CDKAL1: variants seen among roughly 807,000 people sequenced by gnomAD.
The protein encoded by CDKAL1 is threonylcarbamoyladenosine tRNA methylthiotransferase.
In CDKAL1, 32 loss-of-function variants were observed where a neutral mutation model predicts 68.2. The observed-to-expected ratio is 0.47, with a 90% confidence interval of 0.35 to 0.63. The LOEUF (loss-of-function observed/expected upper bound fraction) is 0.63. CDKAL1 is among the 30% of genes least tolerant of loss of function. The probability of loss-of-function intolerance (pLI) is 0.00; values close to 1 mark genes in which losing one functional copy is unlikely to be tolerated. For missense variants in CDKAL1, 606 were observed against 696.7 expected, an observed-to-expected ratio of 0.87 and a Z score of 1.47; for synonymous variants, 234 against 244.3, an observed-to-expected ratio of 0.96 and a Z score of 0.39.
At chr6:20,745,714 T>G (rs1773637935) in intron 6 of CDKAL1, among the ~76,000 whole-genome samples, 1 of 151,956 alleles carries the variant, frequency 6.6e-6, no homozygotes, top group Non-Finnish European at 1.5e-5. Context: ...TAACAATAGC[T>G]GATGAGCTAA....
At chr6:20,599,606 G>T (rs572417809) in intron 4 of CDKAL1, among the ~76,000 whole-genome samples, 17 of 152,190 alleles carry the variant, frequency 1.1e-4, no homozygotes, top group Non-Finnish European at 1.9e-4. Flanking sequence ...ATTGTTAAGA[G>T]TTCAAATTCT....
Position 20,621,497 on chromosome 6 carries a change from C to T in CDKAL1, c.287-27796C>T, listed in dbSNP as rs182760889. Reference sequence around the variant, plus strand: ...TTACATGAGCTTGCACTGAAGGAGTCGGGGGGTTGTGCTCCCCCTTTTTTA... The same window carrying T: ...TTACATGAGCTTGCACTGAAGGAGTTGGGGGGTTGTGCTCCCCCTTTTTTA... On this transcript the variant is annotated intron_variant, in intron 4 of 15. Transcript: ENST00000274695. Among the ~76,000 whole-genome samples the T allele has an allele frequency of 2.8e-4, 42 of 152,192 alleles. No homozygotes were observed. The East Asian group carries it at 4.8e-3, about 17-fold the overall frequency.
chr6:20,796,041 G>A (rs968885382), intron 8 of CDKAL1, among the ~76,000 whole-genome samples: 1 of 152,098 alleles, frequency 6.6e-6, no homozygotes, highest in Non-Finnish European at 1.5e-5. Flanking sequence ...ATATACCAGG[G>A]CCCAGATTTA....
intron 12 of CDKAL1, among the ~76,000 whole-genome samples, chr6:21,081,262 T>C (rs1772384624): frequency 6.6e-6 from 1 of 152,166 alleles, no homozygotes; most frequent in South Asian, 2.1e-4. Context: ...GTGGCAGGTA[T>C]TAGAGTTGAG....
At chr6:20,975,570 G>A (rs1157330344) in intron 10 of CDKAL1, among the ~76,000 whole-genome samples, 4 of 152,040 alleles carry the variant, frequency 2.6e-5, no homozygotes, top group Admixed American at 6.6e-5. Flanking sequence ...TCTCTAAGGT[G>A]TGTGAATATA....
intron 13 of CDKAL1, among the ~76,000 whole-genome samples, chr6:21,144,640 A>AG (rs1164619034): frequency 6.6e-6 from 1 of 151,470 alleles, no homozygotes; most frequent in African/African-American, 2.4e-5. Context: ...CCAAAAAAAA[A>AG]AAAAAAAGAA....
intron 12 of CDKAL1, among the ~76,000 whole-genome samples, chr6:21,097,238 G>A (rs576230900): frequency 1.3e-5 from 2 of 152,306 alleles, no homozygotes; most frequent in South Asian, 4.1e-4. Context: ...GGGAGGCTGA[G>A]GCTGTTGGAT....
chr6:21,222,808 T>C (rs59113724), intron 15 of CDKAL1, among the ~76,000 whole-genome samples: 23,972 of 152,094 alleles, frequency 0.16, 2,202 homozygotes, highest in Non-Finnish European at 0.2. Flanking sequence ...ATTTGGAAGC[T>C]GCACCGCAAG....
chr6:20,946,866 G>A (rs780401738), intron 9 of CDKAL1, among the ~76,000 whole-genome samples: 16 of 151,972 alleles, frequency 1.1e-4, no homozygotes, highest in Non-Finnish European at 1.2e-4. Context: ...CAGAGTGCTG[G>A]GGTTACAGGC....
At chr6:21,091,821 C>T (rs1317734892) in intron 12 of CDKAL1, among the ~76,000 whole-genome samples, 1 of 147,520 alleles carries the variant, frequency 6.8e-6, no homozygotes, top group African/African-American at 2.5e-5. Context: ...TATTGAGGCT[C>T]ATACTTGACA....
chr6:20,711,001 A>G (rs116482436), intron 5 of CDKAL1, among the ~76,000 whole-genome samples: 2,291 of 152,170 alleles, frequency 0.015, 49 homozygotes, highest in African/African-American at 0.052. Flanking sequence ...TAAAATGTCT[A>G]TTTCTTTTCA....
intron 9 of CDKAL1, among the ~76,000 whole-genome samples, chr6:20,855,441 T>C (rs1217703267): frequency 2.3e-5 from 1 of 44,084 alleles, no homozygotes. Context: ...AGACTCCGTC[T>C]CAAAAAAAAA....
intron 9 of CDKAL1, among the ~76,000 whole-genome samples, chr6:20,940,577 T>G (rs917572721): frequency 6.6e-6 from 1 of 152,146 alleles, no homozygotes; most frequent in Non-Finnish European, 1.5e-5. Flanking sequence ...GAGCGGGAGA[T>G]GGAGCCTCTC....
At chr6:21,127,835 T>C (rs1376971471) in intron 13 of CDKAL1, among the ~76,000 whole-genome samples, 1 of 152,186 alleles carries the variant, frequency 6.6e-6, no homozygotes. Context: ...TTTTTGCAAA[T>C]GTTAAAACTG....
At chr6:20,561,132 G>C (rs1240535964) in intron 4 of CDKAL1, among the ~76,000 whole-genome samples, 2 of 152,020 alleles carry the variant, frequency 1.3e-5, no homozygotes, top group Non-Finnish European at 1.5e-5. Flanking sequence ...CAGAGACACT[G>C]TTGCTTAGTT....
intron 9 of CDKAL1, among the ~76,000 whole-genome samples, chr6:20,885,385 T>C (rs1223195385): frequency 3.3e-5 from 5 of 152,170 alleles, no homozygotes; most frequent in Non-Finnish European, 4.4e-5. Flanking sequence ...GCCAATTGAT[T>C]TTTGACCAGG....
At chr6:20,557,153 G>A (rs189903252) in intron 4 of CDKAL1, among the ~76,000 whole-genome samples, 1 of 151,892 alleles carries the variant, frequency 6.6e-6, no homozygotes, top group Admixed American at 6.6e-5. Flanking sequence ...AAAATTATAT[G>A]TGTAAGTAAT....
At chr6:20,945,200 AAAAATCC>A (rs778589921) in intron 9 of CDKAL1, among the ~76,000 whole-genome samples, 1 of 152,166 alleles carries the variant, frequency 6.6e-6, no homozygotes, top group Non-Finnish European at 1.5e-5. Flanking sequence ...TCCCTAATCC[AAAAATCC>A]AAAATCCAAA....
At chr6:20,861,081 A>G (rs1245377247) in intron 9 of CDKAL1, among the ~76,000 whole-genome samples, 1 of 152,104 alleles carries the variant, frequency 6.6e-6, no homozygotes. Context: ...GGGTAGGAGT[A>G]GTAGCCATGT....
Sources: allele counts gnomAD v4.1 joint callset (sites outside exome capture counted in the v4.1 genomes callset), GRCh38; gene constraint gnomAD v4.1.1; transcripts MANE v1.5; gene names NCBI Gene and HGNC (gene_info 2026-07-23, HGNC 2026-07-21).